SPSB1: variants seen among roughly 807,000 people sequenced by gnomAD.
SPSB1 encodes splA/ryanodine receptor domain and SOCS box containing 1.
In SPSB1, 8 loss-of-function variants were observed where a neutral mutation model predicts 21.2. The ratio of observed to expected loss-of-function variants is 0.38; its 90% CI spans 0.22 to 0.68. The LOEUF (loss-of-function observed/expected upper bound fraction) is 0.68. Among genes scored for constraint, SPSB1 ranks in the 30% least tolerant of loss-of-function variants. The pLI, the probability that SPSB1 is intolerant of heterozygous loss-of-function variation, is 0.53. For missense variants in SPSB1, 242 were observed against 377.8 expected (o/e 0.64, Z 2.98); for synonymous variants, 169 against 161.7 (o/e 1.05, Z -0.34).
intron 2 of SPSB1, among the ~76,000 whole-genome samples, chr1:9,359,920 C>T (rs36077602): frequency 0.012 from 1,829 of 151,788 alleles, 29 homozygotes; most frequent in Non-Finnish European, 0.017. Context: ...CCGGATGTGA[C>T]GAGAAAGGGA....
intron 1 of SPSB1, among the ~76,000 whole-genome samples, chr1:9,316,711 C>T (rs1639622118): frequency 6.6e-6 from 1 of 152,224 alleles, no homozygotes; most frequent in Admixed American, 6.5e-5. Context: ...CACGGGCCTT[C>T]GTCAGGACCA....
At chr1:9,337,549 C>T (rs994693305) in intron 1 of SPSB1, among the ~76,000 whole-genome samples, 10 of 152,150 alleles carry the variant, frequency 6.6e-5, no homozygotes, top group East Asian at 1.9e-4. Context: ...ACCCTAACCT[C>T]GCACCCCAGC....
intron 2 of SPSB1, among the ~76,000 whole-genome samples, chr1:9,364,451 G>A (rs1052388403): frequency 7.2e-5 from 11 of 152,346 alleles, no homozygotes; most frequent in African/African-American, 2.4e-4. Context: ...CCGGGCAGAC[G>A]GAGGGATGTG....
At position 9,329,705 on chromosome 1, in the gene SPSB1, A is replaced by AAC. The variant is rs1491276332; in HGVS notation, c.-149-26037_-149-26036insCA. 1.8e-4 allele frequency among the ~76,000 whole-genome samples: 16 copies of AAC among 89,816 alleles called. No individual in the cohort carries two copies. In the African/African-American group the frequency reaches 2.5e-3, roughly 14 times the overall value. 58.9% of individuals were successfully genotyped at this position (89,816 alleles called of 152,430 possible). A position where few individuals can be genotyped will look rare whatever the true frequency, so the allele number is the denominator to read the frequency against. ...GAGACCTCATTTCAAAAACAACAAC[A>AAC]AAAAAAAAAAAAAAAAAGAGAAAAG... On this transcript the variant is annotated intron_variant, in intron 1 of 2. Coordinates refer to ENST00000328089, the MANE Select transcript of SPSB1 (RefSeq NM_025106.4).
intron 1 of SPSB1, among the ~76,000 whole-genome samples, chr1:9,306,072 C>G (rs901989243): frequency 2.0e-5 from 3 of 152,300 alleles, no homozygotes; most frequent in Non-Finnish European, 4.4e-5. Context: ...AATCAGCCAG[C>G]AGGCTGAGTC....
In SPSB1 at chr1:9,345,993, G is replaced by T. The variant is rs1232769720; in HGVS notation, c.-149-9750G>T. 6.6e-6 allele frequency among the ~76,000 whole-genome samples: 1 copy of T among 152,214 alleles called. No homozygotes were observed. The highest frequency in any genetic ancestry group is 1.5e-5 in the Non-Finnish European group (1 of 68,036). On this transcript the variant is annotated intron_variant, in intron 1 of 2. Transcript: ENST00000328089. This position sits in a 1 kb window ranked among gnomAD's most constrained non-coding sequence, Gnocchi z 4.8. Reference sequence around the variant, plus strand: ...CCATGGCCCAGCCAGCACGGAGCATGCCCCGAGCCCTTCCACCACCAAGAG... The same window carrying T: ...CCATGGCCCAGCCAGCACGGAGCATTCCCCGAGCCCTTCCACCACCAAGAG...
At position 9,369,030 on chromosome 1, in the gene SPSB1, T is replaced by C. The variant is rs1485220351; in HGVS notation, c.*1455T>C. 1 of 152,574 alleles carries C rather than the reference T, an allele frequency of 6.6e-6. No individual in the cohort carries two copies. Among genetic ancestry groups the C allele is most frequent in the Non-Finnish European group, 1.5e-5 (1 of 68,040 alleles). The allele number at this position is 152,574 out of a possible 1,614,324, so 9.5% of individuals were successfully genotyped here. ...AATAGATGACTTTATTTGTTTAAAA[T>C]GTTTAATATATATACATACATATAT... On this transcript the variant is annotated 3_prime_UTR_variant, in exon 3 of 3. Transcript: ENST00000328089.
intron 1 of SPSB1, among the ~76,000 whole-genome samples, chr1:9,352,537 A>T (rs369100322): frequency 1.3e-5 from 2 of 152,174 alleles, no homozygotes; most frequent in Non-Finnish European, 2.9e-5. Flanking sequence ...CCTCAAAGCC[A>T]GGCATTTACT....
At chr1:9,312,915 A>G (rs1569579421) in intron 1 of SPSB1, among the ~76,000 whole-genome samples, 2 of 152,280 alleles carry the variant, frequency 1.3e-5, no homozygotes, top group East Asian at 1.9e-4. Flanking sequence ...GCCCAAGAAC[A>G]TGTGTCCCCT....
intron 1 of SPSB1, among the ~76,000 whole-genome samples, chr1:9,316,434 G>A (rs906288521): frequency 3.9e-5 from 6 of 152,184 alleles, no homozygotes; most frequent in Non-Finnish European, 1.5e-5. Flanking sequence ...GTCCCCACAC[G>A]GGCTCAACCA....
chr1:9,334,863 T>A (rs1639979881), intron 1 of SPSB1, among the ~76,000 whole-genome samples: 1 of 152,258 alleles, frequency 6.6e-6, no homozygotes, highest in Admixed American at 6.5e-5. Flanking sequence ...TCATATAGCA[T>A]GTATCAAAAT....
At chr1:9,355,131 A>G (rs1307237467) in intron 1 of SPSB1, among the ~76,000 whole-genome samples, 1 of 152,194 alleles carries the variant, frequency 6.6e-6, no homozygotes, top group Non-Finnish European at 1.5e-5. Flanking sequence ...CTGGCGGAGG[A>G]GGCTCCTGGT....
intron 1 of SPSB1, among the ~76,000 whole-genome samples, chr1:9,294,252 GT>G (rs1639171912): frequency 8.5e-6 from 1 of 117,598 alleles, no homozygotes; most frequent in Non-Finnish European, 1.9e-5. Flanking sequence ...GTCTCTTTGT[GT>G]GTCCACACGT....
At chr1:9,300,097 A>G (rs940727285) in intron 1 of SPSB1, among the ~76,000 whole-genome samples, 25 of 152,136 alleles carry the variant, frequency 1.6e-4, no homozygotes, top group African/African-American at 6.0e-4. Context: ...AAGCGATGGG[A>G]AATAAATTCT....
intron 1 of SPSB1, among the ~76,000 whole-genome samples, chr1:9,322,208 A>G (rs531307530): frequency 2.0e-4 from 31 of 152,284 alleles, no homozygotes; most frequent in African/African-American, 7.5e-4. Flanking sequence ...GCACTTAAAA[A>G]TGCATCAGGC....
At chr1:9,353,176 G>C (rs1465538626) in intron 1 of SPSB1, among the ~76,000 whole-genome samples, 2 of 151,642 alleles carry the variant, frequency 1.3e-5, no homozygotes, top group Non-Finnish European at 2.9e-5. Context: ...CTCTGACCTC[G>C]AGAGCCGCCT....
chr1:9,351,681 A>G (rs1194006405), intron 1 of SPSB1: 3 of 152,256 alleles, frequency 2.0e-5, no homozygotes, highest in Non-Finnish European at 4.4e-5. Flanking sequence ...AATAGAAGGA[A>G]GAGGACAGAT....
At position 9,369,035 on chromosome 1, in the gene SPSB1, A is replaced by AATATATATACATACATAT. The variant is rs1640621643; in HGVS notation, c.*1469_*1486dup. 6.6e-6 allele frequency: 1 copy of AATATATATACATACATAT among 152,494 alleles called. No individual in the cohort carries two copies. The highest frequency in any genetic ancestry group is 1.5e-5 in the Non-Finnish European group (1 of 68,038). 9.4% of individuals were successfully genotyped at this position (152,494 alleles called of 1,614,324 possible). On this transcript the variant is annotated 3_prime_UTR_variant, in exon 3 of 3. Coordinates refer to ENST00000328089, the MANE Select transcript of SPSB1 (RefSeq NM_025106.4). ...ATGACTTTATTTGTTTAAAATGTTT[A>AATATATATACATACATAT]ATATATATACATACATATATATATA...
chr1:9,306,930 C>CT (rs200660299), intron 1 of SPSB1, among the ~76,000 whole-genome samples: 10,603 of 67,350 alleles, frequency 0.16, 370 homozygotes, highest in Non-Finnish European at 0.17. Flanking sequence ...TTCTTTTCTT[C>CT]TTTTTTTTTT....
Sources: gnomAD v4.1 joint callset for allele counts (sites outside exome capture counted in the v4.1 genomes callset) on GRCh38, gnomAD v4.1.1 for gene constraint, Gnocchi (gnomAD v3.1) non-coding constraint, MANE v1.5 for transcripts, NCBI Gene and HGNC (gene_info 2026-07-23, HGNC 2026-07-21) for gene names.